Variants in NDEL1 observed in about 807,000 individuals in gnomAD.
The protein encoded by NDEL1 is nuclear distribution protein nudE-like 1.
In NDEL1, 9 loss-of-function variants were observed where a neutral mutation model predicts 45.7. The observed-to-expected ratio is 0.20, with a 90% CI of 0.12 to 0.34. NDEL1 has a LOEUF of 0.34. NDEL1 is among the 10% of genes least tolerant of loss of function. The pLI is 1.00. For synonymous variants in NDEL1, 133 were observed against 158.6 expected (o/e 0.84, Z 1.21); for missense variants, 306 against 406.2 (o/e 0.75, Z 2.12).
chr17:8,443,487 GA>G (rs1909891042), intron 1 of NDEL1, among the ~76,000 whole-genome samples: 1 of 152,132 alleles, frequency 6.6e-6, no homozygotes, highest in Admixed American at 6.5e-5. Flanking sequence ...AGACAGTTTC[GA>G]ACAGTACTGC....
intron 1 of NDEL1, among the ~76,000 whole-genome samples, chr17:8,438,419 C>T (rs1477711955): frequency 6.6e-6 from 1 of 152,210 alleles, no homozygotes; most frequent in African/African-American, 2.4e-5. Flanking sequence ...CCCAGTGTAA[C>T]TTGAAGCAAA....
chr17:8,438,725 A>G (rs1310572009), intron 1 of NDEL1, among the ~76,000 whole-genome samples: 1 of 151,950 alleles, frequency 6.6e-6, no homozygotes, highest in Non-Finnish European at 1.5e-5. Context: ...CATGTTGTCC[A>G]GGCTGGCCTT....
intron 7 of NDEL1, 113 bp downstream of exon 7, chr17:8,455,000 T>C: frequency 1.9e-6 from 2 of 1,038,710 alleles, no homozygotes; most frequent in East Asian, 5.0e-5. Context: ...AAGGCTGTCA[T>C]GAAGCTCAGA....
upstream of NDEL1, among the ~76,000 whole-genome samples, chr17:8,433,183 A>T (rs550070252): frequency 2.0e-5 from 3 of 152,036 alleles, no homozygotes; most frequent in South Asian, 6.2e-4. Flanking sequence ...TCAGCAGCTG[A>T]CCTGGGCACA....
chr17:8,447,978 TGGGC>T (rs1910196024), intron 4 of NDEL1, among the ~76,000 whole-genome samples: 1 of 6,220 alleles, frequency 1.6e-4, no homozygotes, highest in Non-Finnish European at 3.4e-4. Flanking sequence ...TGCGGGGAGG[TGGGC>T]GGGGGGGGGG....
chr17:8,452,792 T>G (rs1247996833), intron 6 of NDEL1, among the ~76,000 whole-genome samples: 2 of 134,826 alleles, frequency 1.5e-5, no homozygotes, highest in East Asian at 4.8e-4. Flanking sequence ...CAGGCTAGAG[T>G]GCAATGGTGC....
intron 4 of NDEL1, among the ~76,000 whole-genome samples, chr17:8,447,982 C>CGGGGGGGGGGG (rs34891973): frequency 7.4e-5 from 8 of 107,712 alleles, no homozygotes; most frequent in Non-Finnish European, 1.4e-4. Context: ...GGGAGGTGGG[C>CGGGGGGGGGGG]GGGGGGGGGG....
At chr17:8,460,541 T>A (rs1405535834) in intron 8 of NDEL1, among the ~76,000 whole-genome samples, 1 of 152,198 alleles carries the variant, frequency 6.6e-6, no homozygotes, top group Non-Finnish European at 1.5e-5. Context: ...ACAACAGACA[T>A]CCCCTGTGAG....
chr17:8,439,407 ATTTT>A (rs35226962), intron 1 of NDEL1, among the ~76,000 whole-genome samples: 6 of 140,702 alleles, frequency 4.3e-5, no homozygotes, highest in African/African-American at 1.1e-4. Flanking sequence ...TACCCAGCTA[ATTTT>A]TTTTTTTTTT....
At chr17:8,464,014 C>T (rs1024195314) in intron 8 of NDEL1, among the ~76,000 whole-genome samples, 4 of 152,220 alleles carry the variant, frequency 2.6e-5, no homozygotes, top group African/African-American at 9.6e-5. Context: ...CTGCCCTCTC[C>T]AGTGTCCTGA....
At chr17:8,434,073 T>C (rs1010160845), upstream of NDEL1, among the ~76,000 whole-genome samples, 8 of 152,196 alleles carry the variant, frequency 5.3e-5, no homozygotes, top group African/African-American at 1.7e-4. Flanking sequence ...TCTTACACAT[T>C]ATTTTTGTGT....
intron 1 of NDEL1, among the ~76,000 whole-genome samples, chr17:8,416,345 C>T (rs529125762): frequency 6.6e-6 from 1 of 152,316 alleles, no homozygotes; most frequent in South Asian, 2.1e-4. Context: ...GTTTTGGTGA[C>T]ATGCATCTTC....
chr17:8,456,601 C>T (rs973263012), intron 7 of NDEL1, among the ~76,000 whole-genome samples: 2 of 150,050 alleles, frequency 1.3e-5, no homozygotes, highest in African/African-American at 4.9e-5. Context: ...CAGGTTCAAG[C>T]GATTCTCCTG....
At chr17:8,450,020 C>T (rs902759065) in intron 5 of NDEL1, among the ~76,000 whole-genome samples, 9 of 152,122 alleles carry the variant, frequency 5.9e-5, no homozygotes, top group East Asian at 1.9e-4. Flanking sequence ...TGGCGGCTCA[C>T]GCCTGTAATT....
intron 1 of NDEL1, among the ~76,000 whole-genome samples, chr17:8,425,684 C>T (rs1177682592): frequency 6.6e-6 from 1 of 152,022 alleles, no homozygotes; most frequent in Non-Finnish European, 1.5e-5. Context: ...GTCATGGCCG[C>T]TGCCCTAGAT....
chr17:8,428,380 T>C (rs531998993), intron 1 of NDEL1, among the ~76,000 whole-genome samples: 9 of 147,824 alleles, frequency 6.1e-5, no homozygotes, highest in African/African-American at 2.2e-4. Flanking sequence ...TTTTTTTTTT[T>C]CCGAGACAGA....
chr17:8,453,793 A>T (rs1442024156), intron 6 of NDEL1, among the ~76,000 whole-genome samples: 1 of 152,204 alleles, frequency 6.6e-6, no homozygotes, highest in Non-Finnish European at 1.5e-5. Flanking sequence ...AGCTGAGAAA[A>T]ATTTGAAATG....
chr17:8,423,797 T>C (rs1908758965), intron 1 of NDEL1, among the ~76,000 whole-genome samples: 1 of 152,194 alleles, frequency 6.6e-6, no homozygotes, highest in Non-Finnish European at 1.5e-5. Flanking sequence ...TCCTAAGATC[T>C]GTGTTGCAGA....
At chr17:8,470,883 C>T (rs925486722), downstream of NDEL1, among the ~76,000 whole-genome samples, 3 of 152,174 alleles carry the variant, frequency 2.0e-5, no homozygotes, top group Admixed American at 6.5e-5. This position sits in a 1 kb window ranked among gnomAD's most constrained non-coding sequence, Gnocchi z 4.2. Context: ...ATGCTGACTC[C>T]GCCTTTCTTG....
Sources: allele counts gnomAD v4.1 joint callset (sites outside exome capture counted in the v4.1 genomes callset), GRCh38; gene constraint gnomAD v4.1.1; non-coding constraint Gnocchi (gnomAD v3.1); transcripts MANE v1.5; gene names NCBI Gene and HGNC (gene_info 2026-07-23, HGNC 2026-07-21).